KCNJ6: variants seen among roughly 807,000 people sequenced by gnomAD.
KCNJ6 encodes the protein potassium inwardly rectifying channel subfamily J member 6.
KCNJ6 carries 9 observed loss-of-function variants against 34.2 expected under a neutral mutation model. The observed-to-expected ratio is 0.26, with a 90% CI of 0.16 to 0.46. The LOEUF is 0.46. Ranked by LOEUF, KCNJ6 falls within the 20% of genes least tolerant of loss-of-function variation. KCNJ6 has a pLI of 1.00. For synonymous variants in KCNJ6, 196 were observed against 207.1 expected, an observed-to-expected ratio of 0.95 and a Z score of 0.46; for missense variants, 236 against 531.3, an observed-to-expected ratio of 0.44 and a Z score of 5.46.
At chr21:37,671,917 A>G (rs721279) in intron 3 of KCNJ6, among the ~76,000 whole-genome samples, 3 of 152,148 alleles carry the variant, frequency 2.0e-5, no homozygotes, top group African/African-American at 7.2e-5. Flanking sequence ...GTACTCTACA[A>G]CTTTTCTGAA....
intron 2 of KCNJ6, among the ~76,000 whole-genome samples, chr21:37,776,012 C>T (rs999977787): frequency 2.6e-5 from 4 of 152,070 alleles, no homozygotes; most frequent in African/African-American, 9.7e-5. Flanking sequence ...TTGTTTGTAT[C>T]GTCTTTTATT....
intron 1 of KCNJ6, among the ~76,000 whole-genome samples, chr21:37,858,809 A>G (rs1419543045): frequency 6.6e-6 from 1 of 152,206 alleles, no homozygotes. Context: ...AGCTATAGAA[A>G]TATAACTTAA....
At chr21:37,761,736 CGTGTGTGTGGTATGT>C (rs1230677200) in intron 2 of KCNJ6, among the ~76,000 whole-genome samples, 1 of 143,896 alleles carries the variant, frequency 6.9e-6, no homozygotes, top group Non-Finnish European at 1.5e-5. Flanking sequence ...TGGTGTGTGT[CGTGTGTGTGGTATGT>C]GTGTATGTGT....
In KCNJ6 at chr21:37,680,983, C is replaced by T. The variant is rs146001773; in HGVS notation, c.946+33228G>A. On this transcript the variant is annotated intron_variant, in intron 3 of 3. Coordinates refer to ENST00000609713, the MANE Select transcript of KCNJ6 (RefSeq NM_002240.5). ...CCCATGAACCCAGTATCTAGCTGCTCGCCAGGACAGTCCATTCTCCCAAGG... is the reference window on the plus strand; with the variant it reads ...CCCATGAACCCAGTATCTAGCTGCTTGCCAGGACAGTCCATTCTCCCAAGG... Among the ~76,000 whole-genome samples the T allele has an allele frequency of 3.4e-3, 523 of 152,294 alleles. 1 individual carries two copies. Among genetic ancestry groups the T allele is most frequent in the African/African-American group, 0.011 (457 of 41,544 alleles).
At chr21:37,685,586 A>C (rs1489051893) in intron 3 of KCNJ6, among the ~76,000 whole-genome samples, 1 of 13,182 alleles carries the variant, frequency 7.6e-5, no homozygotes, top group African/African-American at 1.4e-4. Flanking sequence ...AGGCTGAGGC[A>C]GGAGAATGGC....
chr21:37,881,472 AG>A (rs1368141381), intron 1 of KCNJ6, among the ~76,000 whole-genome samples: 2 of 16,030 alleles, frequency 1.2e-4, no homozygotes, highest in African/African-American at 6.8e-4. Context: ...CTCTGCATGG[AG>A]AGAGAGAGAG....
At chr21:37,844,941 G>A (rs2055498989) in intron 1 of KCNJ6, among the ~76,000 whole-genome samples, 1 of 152,180 alleles carries the variant, frequency 6.6e-6, no homozygotes, top group Non-Finnish European at 1.5e-5. Flanking sequence ...GGGAGGTAGT[G>A]TGTGGTAGAC....
chr21:37,649,648 G>A (rs1393850772), intron 3 of KCNJ6, among the ~76,000 whole-genome samples: 2 of 152,160 alleles, frequency 1.3e-5, no homozygotes, highest in Admixed American at 1.3e-4. Context: ...GCTTCCAGAT[G>A]AACCAGCCTG....
chr21:37,768,904 G>A (rs947224179), intron 2 of KCNJ6, among the ~76,000 whole-genome samples: 1 of 152,138 alleles, frequency 6.6e-6, no homozygotes. Context: ...GTGTGTTGGG[G>A]AGCCCACCTA....
rs560849708 is a variant in KCNJ6 at position 37,665,277 on chromosome 21, T to G, written c.947-39793A>C. Among the ~76,000 whole-genome samples the G allele has an allele frequency of 1.7e-4, 26 of 152,330 alleles. 1 individual carries two copies. The South Asian group carries it at 5.4e-3, about 32-fold the overall frequency. ...TAAACAGTAACTATTATTATCATTA[T>G]TTATGATTATTGATGGTTCCCAAGA... On this transcript the variant is annotated intron_variant, in intron 3 of 3. Transcript: ENST00000609713.
At chr21:37,693,991 A>C (rs1003588877) in intron 3 of KCNJ6, among the ~76,000 whole-genome samples, 24 of 152,242 alleles carry the variant, frequency 1.6e-4, no homozygotes, top group Non-Finnish European at 3.1e-4. Context: ...TGATTATCTA[A>C]ACATTGACAT....
intron 2 of KCNJ6, among the ~76,000 whole-genome samples, chr21:37,823,311 G>T (rs557044215): frequency 6.6e-6 from 1 of 152,304 alleles, no homozygotes; most frequent in Non-Finnish European, 1.5e-5. Flanking sequence ...GATGAACCTG[G>T]AGCACATTAT....
chr21:37,719,426 T>C (rs1374302297), intron 2 of KCNJ6: 1 of 152,180 alleles, frequency 6.6e-6, no homozygotes, highest in African/African-American at 2.4e-5. Context: ...GCAGCTGTGG[T>C]TGGGAGAGCA....
chr21:37,630,840 T>C (rs1515050), intron 3 of KCNJ6, among the ~76,000 whole-genome samples: 114,217 of 151,846 alleles, frequency 0.75, 43,577 homozygotes, highest in East Asian at 0.9. Context: ...TTGTTGTTAA[T>C]GGTAGTTGCC....
At chr21:37,676,939 A>T (rs2054567502) in intron 3 of KCNJ6, among the ~76,000 whole-genome samples, 1 of 151,968 alleles carries the variant, frequency 6.6e-6, no homozygotes, top group Non-Finnish European at 1.5e-5. Flanking sequence ...CCCCTTCCCC[A>T]CCTCCACCAG....
intron 2 of KCNJ6, among the ~76,000 whole-genome samples, chr21:37,774,655 C>T (rs2055133589): frequency 6.6e-6 from 1 of 152,148 alleles, no homozygotes; most frequent in African/African-American, 2.4e-5. Flanking sequence ...CAGCTTCATC[C>T]ATGTCCCTAC....
chr21:37,840,147 A>T (rs1032013110), intron 2 of KCNJ6, among the ~76,000 whole-genome samples: 2 of 152,214 alleles, frequency 1.3e-5, no homozygotes, highest in African/African-American at 4.8e-5. Context: ...TTAGCTTAAG[A>T]GCACTATAAC....
chr21:37,629,574 CAG>C (rs2054325059), intron 3 of KCNJ6, among the ~76,000 whole-genome samples: 1 of 152,078 alleles, frequency 6.6e-6, no homozygotes, highest in Non-Finnish European at 1.5e-5. Flanking sequence ...CAGACACACA[CAG>C]AGGAAAGATT....
chr21:37,786,350 C>CA (rs1436448339), intron 2 of KCNJ6, among the ~76,000 whole-genome samples: 2 of 152,318 alleles, frequency 1.3e-5, no homozygotes, highest in East Asian at 3.9e-4. Flanking sequence ...ACTTGAACCC[C>CA]ATGTGCTTCT....
Sources: gnomAD v4.1 joint callset for allele counts (sites outside exome capture counted in the v4.1 genomes callset) on GRCh38, gnomAD v4.1.1 for gene constraint, MANE v1.5 for transcripts, NCBI Gene and HGNC (gene_info 2026-07-23, HGNC 2026-07-21) for gene names.